XKR9: variants seen among roughly 807,000 people sequenced by gnomAD.
XKR9 encodes XK-related protein 9.
XKR9 carries 32 observed loss-of-function variants against 32.0 expected under a neutral mutation model. The ratio of observed to expected loss-of-function variants is 1.00; its 90% CI spans 0.76 to 1.34. XKR9 has a LOEUF of 1.34. Among genes scored for constraint, XKR9 ranks in the 40% most tolerant of loss-of-function variants. The pLI is 0.00. For missense variants in XKR9, 546 were observed against 429.7 expected (o/e 1.27, Z -2.39); for synonymous variants, 168 against 143.4 (o/e 1.17, Z -1.22).
At chr8:70,910,156 G>T in the XKR9 span, among the ~76,000 whole-genome samples, 1 of 151,714 alleles carries the variant, frequency 6.6e-6, no homozygotes, top group East Asian at 1.9e-4. Flanking sequence ...GATGACTGAG[G>T]GTCTGAGGCA....
At chr8:70,973,785 G>C in the XKR9 span, among the ~76,000 whole-genome samples, 2 of 152,222 alleles carry the variant, frequency 1.3e-5, no homozygotes, top group Admixed American at 1.3e-4. Context: ...GATTCCCTTT[G>C]GAGTTGATTT....
At chr8:70,891,582 G>T in the XKR9 span, among the ~76,000 whole-genome samples, 9 of 151,862 alleles carry the variant, frequency 5.9e-5, no homozygotes, top group East Asian at 1.5e-3. Flanking sequence ...TAATTTTTAT[G>T]TATTTGTACT....
the XKR9 span, among the ~76,000 whole-genome samples, chr8:71,028,429 T>C: frequency 2.0e-5 from 3 of 152,158 alleles, no homozygotes; most frequent in East Asian, 5.8e-4. Flanking sequence ...TCTAAAAAAG[T>C]TAAACTCATA....
intron 2 of XKR9, among the ~76,000 whole-genome samples, chr8:70,769,389 C>G (rs1284590572): frequency 6.6e-6 from 1 of 151,858 alleles, no homozygotes; most frequent in South Asian, 2.1e-4. Flanking sequence ...TTGTTTCAGC[C>G]TTGGTGAATC....
chr8:70,805,275 A>G, the XKR9 span, among the ~76,000 whole-genome samples: 15,601 of 152,200 alleles, frequency 0.1, 893 homozygotes, highest in African/African-American at 0.14. Flanking sequence ...TGTGCAACCC[A>G]TGAATCGAAA....
At chr8:71,010,518 G>T in the XKR9 span, among the ~76,000 whole-genome samples, 1 of 152,184 alleles carries the variant, frequency 6.6e-6, no homozygotes, top group African/African-American at 2.4e-5. Flanking sequence ...GGTCAGGGAA[G>T]CTCTTCTCCT....
chr8:70,856,354 C>A, the XKR9 span, among the ~76,000 whole-genome samples: 1 of 152,084 alleles, frequency 6.6e-6, no homozygotes, highest in East Asian at 1.9e-4. Flanking sequence ...AGAATTTAAA[C>A]CAACGAAGAT....
At chr8:70,744,292 CAG>C (rs1343355545) in intron 2 of XKR9, among the ~76,000 whole-genome samples, 1 of 146,252 alleles carries the variant, frequency 6.8e-6, no homozygotes, top group African/African-American at 2.6e-5. Context: ...GCCTGGGTGA[CAG>C]AGCGAGACTT....
chr8:70,878,571 A>G, the XKR9 span, among the ~76,000 whole-genome samples: 1 of 152,226 alleles, frequency 6.6e-6, no homozygotes, highest in East Asian at 1.9e-4. Context: ...CCACTACATA[A>G]TGGTAAAGGG....
chr8:70,732,291 A>G (rs543988498), intron 4 of XKR9, among the ~76,000 whole-genome samples: 1 of 152,352 alleles, frequency 6.6e-6, no homozygotes, highest in Admixed American at 6.5e-5. Context: ...ACAGCTACAG[A>G]CACTCTGCCA....
the XKR9 span, among the ~76,000 whole-genome samples, chr8:71,050,258 T>G: frequency 0.017 from 1,783 of 106,608 alleles, 41 homozygotes; most frequent in African/African-American, 0.059. Context: ...TATATATATA[T>G]ATAGATAGAT....
chr8:71,060,128 A>T, the XKR9 span, among the ~76,000 whole-genome samples: 3 of 152,138 alleles, frequency 2.0e-5, no homozygotes, highest in Non-Finnish European at 4.4e-5. Flanking sequence ...TCGCTCCATG[A>T]CTAGTTACAT....
At chr8:70,935,190 T>C in the XKR9 span, among the ~76,000 whole-genome samples, 12 of 69,340 alleles carry the variant, frequency 1.7e-4, no homozygotes, top group Admixed American at 2.4e-3. Context: ...TATACATATA[T>C]ATATACATAT....
the XKR9 span, among the ~76,000 whole-genome samples, chr8:70,876,095 G>A: frequency 1.3e-5 from 2 of 151,984 alleles, no homozygotes; most frequent in Non-Finnish European, 2.9e-5. Context: ...ATGAAATAAA[G>A]CATAACATAT....
At chr8:70,891,262 C>G in the XKR9 span, among the ~76,000 whole-genome samples, 1 of 151,046 alleles carries the variant, frequency 6.6e-6, no homozygotes, top group Non-Finnish European at 1.5e-5. Context: ...TTTCATTGAT[C>G]TTTTGTATTT....
chr8:70,823,158 G>A, the XKR9 span, among the ~76,000 whole-genome samples: 1 of 152,158 alleles, frequency 6.6e-6, no homozygotes, highest in Admixed American at 6.5e-5. Context: ...TGCCTTAATG[G>A]TCCGGAGTTG....
At chr8:70,999,033 G>A in the XKR9 span, among the ~76,000 whole-genome samples, 2 of 152,148 alleles carry the variant, frequency 1.3e-5, no homozygotes, top group African/African-American at 4.8e-5. Context: ...AGGGCTGACT[G>A]TAGTATAAAT....
chr8:70,897,227 T>TA, the XKR9 span, among the ~76,000 whole-genome samples: 1 of 152,226 alleles, frequency 6.6e-6, no homozygotes, highest in African/African-American at 2.4e-5. Flanking sequence ...TCTCTTTTTT[T>TA]ATGGTTGAAT....
At chr8:70,902,660 C>A in the XKR9 span, among the ~76,000 whole-genome samples, 1 of 152,178 alleles carries the variant, frequency 6.6e-6, no homozygotes, top group Non-Finnish European at 1.5e-5. Context: ...GCCAGAACTT[C>A]CAACACTCTG....
Sources: allele counts gnomAD v4.1 joint callset (sites outside exome capture counted in the v4.1 genomes callset), GRCh38; gene constraint gnomAD v4.1.1; transcripts MANE v1.5; gene names NCBI Gene and HGNC (gene_info 2026-07-23, HGNC 2026-07-21).